Variants in GMDS observed in about 807,000 individuals in gnomAD.
The protein encoded by GMDS is GDP-mannose 4,6-dehydratase.
GMDS carries 20 observed loss-of-function variants against 49.9 expected under a neutral mutation model. The observed-to-expected ratio is 0.40, with a 90% CI of 0.28 to 0.58. The LOEUF (loss-of-function observed/expected upper bound fraction) is 0.58, where lower values mean the gene tolerates loss of function less well. Among genes scored for constraint, GMDS ranks in the 20% least tolerant of loss-of-function variants. The pLI is 0.42. For missense variants in GMDS, 362 were observed against 481.4 expected (o/e 0.75, Z 2.32); for synonymous variants, 177 against 178.6 (o/e 0.99, Z 0.07).
At chr6:2,027,201 C>T (rs939164904) in intron 4 of GMDS, among the ~76,000 whole-genome samples, 1 of 152,080 alleles carries the variant, frequency 6.6e-6, no homozygotes, top group East Asian at 1.9e-4. Context: ...TGGAGAAAAA[C>T]GTGGAACAGG....
At chr6:2,145,258 G>C (rs1776494400) in intron 1 of GMDS, among the ~76,000 whole-genome samples, 1 of 152,100 alleles carries the variant, frequency 6.6e-6, no homozygotes, top group Non-Finnish European at 1.5e-5. Context: ...TTTTAGACCG[G>C]GCACGGTGGC....
chr6:2,181,152 G>A (rs1778503780), intron 1 of GMDS, among the ~76,000 whole-genome samples: 1 of 143,916 alleles, frequency 6.9e-6, no homozygotes, highest in African/African-American at 2.7e-5. Flanking sequence ...TCCATCCTGG[G>A]TGACAGAGCG....
chr6:1,772,081 A>T (rs1385082445), intron 7 of GMDS, among the ~76,000 whole-genome samples: 1 of 152,252 alleles, frequency 6.6e-6, no homozygotes, highest in Non-Finnish European at 1.5e-5. Flanking sequence ...AATGATATTT[A>T]TGAAAACAGT....
chr6:1,838,665 T>C (rs113926404), intron 7 of GMDS, among the ~76,000 whole-genome samples: 7 of 152,108 alleles, frequency 4.6e-5, no homozygotes, highest in African/African-American at 1.7e-4. Context: ...GGAATTCCTC[T>C]TTTGTCTCTT....
chr6:2,021,331 T>C (rs935273469), intron 4 of GMDS, among the ~76,000 whole-genome samples: 6 of 152,178 alleles, frequency 3.9e-5, no homozygotes, highest in African/African-American at 7.2e-5. Context: ...AAACAAAGAA[T>C]GGATAGTCAC....
At chr6:1,691,593 G>C (rs970783365) in intron 9 of GMDS, among the ~76,000 whole-genome samples, 2 of 152,318 alleles carry the variant, frequency 1.3e-5, no homozygotes, top group South Asian at 2.1e-4. Flanking sequence ...CGTCTTAAGT[G>C]TCCCTTTGGG....
At position 1,989,697 on chromosome 6, in the gene GMDS, T is replaced by C. The variant is rs575545527; in HGVS notation, c.346-28731A>G. Among the ~76,000 whole-genome samples, 7 of 152,104 alleles carry C rather than the reference T, an allele frequency of 4.6e-5. No homozygotes were observed. The East Asian group carries it at 1.4e-3, about 29-fold the overall frequency. ...GACTGGTACACTCCCTTCCAAACAC[T>C]CCTCTCTGATGCTACCCCTCGGCCT... On this transcript the variant is annotated intron_variant, in intron 4 of 10. Coordinates refer to ENST00000380815, the MANE Select transcript of GMDS (RefSeq NM_001500.4).
At chr6:1,872,312 T>C (rs1332905878) in intron 7 of GMDS, among the ~76,000 whole-genome samples, 1 of 152,232 alleles carries the variant, frequency 6.6e-6, no homozygotes, top group African/African-American at 2.4e-5. Context: ...ACTAGAATAA[T>C]TCAGTACTTA....
At chr6:2,061,841 A>G (rs769758866) in intron 4 of GMDS, among the ~76,000 whole-genome samples, 5 of 152,138 alleles carry the variant, frequency 3.3e-5, no homozygotes, top group Non-Finnish European at 7.4e-5. Context: ...ATAGGAGACT[A>G]GAGGGTAGAG....
intron 4 of GMDS, among the ~76,000 whole-genome samples, chr6:2,079,588 T>C (rs1348586295): frequency 2.6e-5 from 4 of 152,160 alleles, no homozygotes; most frequent in Non-Finnish European, 4.4e-5. Flanking sequence ...AGATATAGTA[T>C]CCCTTGGATA....
rs1763057083 is a variant in GMDS at position 1,945,934 on chromosome 6, A to T, written c.643+13933T>A. On this transcript the variant is annotated intron_variant, in intron 6 of 10. Coordinates refer to ENST00000380815, the MANE Select transcript of GMDS (RefSeq NM_001500.4). Reference sequence around the variant, plus strand: ...ACATGGTATTCCCAGGATAGTGTCTATAAACTAAACACCATGAAACAGTTT... The same window carrying T: ...ACATGGTATTCCCAGGATAGTGTCTTTAAACTAAACACCATGAAACAGTTT... Among the ~76,000 whole-genome samples, 3 of 152,198 alleles carry T rather than the reference A, an allele frequency of 2.0e-5. No individual in the cohort carries two copies. In the South Asian group the frequency reaches 6.2e-4, roughly 31 times the overall value.
chr6:2,051,991 C>T (rs944451779), intron 4 of GMDS, among the ~76,000 whole-genome samples: 1 of 151,852 alleles, frequency 6.6e-6, no homozygotes, highest in Non-Finnish European at 1.5e-5. Flanking sequence ...GTGGCAAGCA[C>T]CTGTAATCCC....
chr6:2,058,790 G>A lies in GMDS; in HGVS notation c.345+56981C>T, dbSNP rs535944478. Among the ~76,000 whole-genome samples, 356 of 152,238 alleles carry A rather than the reference G, an allele frequency of 2.3e-3. 2 individuals are homozygous for A. The highest frequency in any genetic ancestry group is 8.3e-3 in the African/African-American group (343 of 41,536). On this transcript the variant is annotated intron_variant, in intron 4 of 10. Coordinates refer to ENST00000380815, the MANE Select transcript of GMDS (RefSeq NM_001500.4). ...AGGAGATCCAGACCTTCCGACCTCC[G>A]ATCCATTCTGCCCACTAGACTAGGG...
At chr6:1,957,275 T>C (rs1484503782) in intron 6 of GMDS, among the ~76,000 whole-genome samples, 1 of 152,228 alleles carries the variant, frequency 6.6e-6, no homozygotes, top group Non-Finnish European at 1.5e-5. Context: ...ATTTACTGAA[T>C]GCTTATTAGC....
chr6:1,736,255 T>C lies in GMDS; in HGVS notation c.890+6213A>G, dbSNP rs148448266. ...GTTGTAGTATTTTGTTTTTTAAGGGTTAAAAATCTAAGCATCTTAGAAGTT... is the reference window on the plus strand; with the variant it reads ...GTTGTAGTATTTTGTTTTTTAAGGGCTAAAAATCTAAGCATCTTAGAAGTT... On this transcript the variant is annotated intron_variant, in intron 8 of 10. Transcript: ENST00000380815. Among the ~76,000 whole-genome samples the C allele has an allele frequency of 4.7e-3, 713 of 152,270 alleles. 8 individuals are homozygous for C. Among genetic ancestry groups the C allele is most frequent in the African/African-American group, 0.016 (678 of 41,558 alleles).
chr6:2,162,427 ATC>A (rs1777447961), intron 1 of GMDS, among the ~76,000 whole-genome samples: 1 of 152,124 alleles, frequency 6.6e-6, no homozygotes, highest in South Asian at 2.1e-4. Flanking sequence ...AATAATAGAC[ATC>A]TGTTTCCAAA....
chr6:2,036,998 G>A (rs1270959503), intron 4 of GMDS, among the ~76,000 whole-genome samples: 1 of 152,184 alleles, frequency 6.6e-6, no homozygotes, highest in Non-Finnish European at 1.5e-5. Flanking sequence ...AGGTAATGAG[G>A]TAGGAACAGC....
intron 1 of GMDS, among the ~76,000 whole-genome samples, chr6:2,200,211 G>T (rs1277329462): frequency 2.0e-5 from 3 of 152,154 alleles, no homozygotes; most frequent in Non-Finnish European, 4.4e-5. Context: ...AAATACATGT[G>T]CCAGGTGATG....
chr6:1,953,538 G>T (rs1334505395), intron 6 of GMDS, among the ~76,000 whole-genome samples: 1 of 151,952 alleles, frequency 6.6e-6, no homozygotes, highest in Non-Finnish European at 1.5e-5. Context: ...TTTTGTAAAG[G>T]TCACCATATT....
Sources: gnomAD v4.1 joint callset for allele counts (sites outside exome capture counted in the v4.1 genomes callset) on GRCh38, gnomAD v4.1.1 for gene constraint, MANE v1.5 for transcripts, NCBI Gene and HGNC (gene_info 2026-07-23, HGNC 2026-07-21) for gene names.